The following TPD52 variants were observed in gnomAD, a reference collection of about 807,000 sequenced individuals.
TPD52 encodes the protein tumor protein D52, also known as prostate and colon associated protein.
A neutral mutation model predicts 31.3 loss-of-function variants in TPD52; 17 were observed. That is an observed-to-expected ratio of 0.54 (90% CI 0.37 to 0.82). TPD52 has a LOEUF of 0.82. TPD52 is among the 40% of genes least tolerant of loss of function. TPD52 has a pLI of 0.00. For missense variants in TPD52, 212 were observed against 240.1 expected (o/e 0.88, Z 0.77); for synonymous variants, 83 against 89.6 (o/e 0.93, Z 0.42).
intron 1 of TPD52, among the ~76,000 whole-genome samples, chr8:80,170,180 T>C (rs56353045): frequency 0.17 from 25,757 of 152,042 alleles, 3,732 homozygotes; most frequent in African/African-American, 0.39. Context: ...TTTGGGAGGC[T>C]GAGGCGGGTG....
intron 1 of TPD52, among the ~76,000 whole-genome samples, chr8:80,087,579 A>G (rs1815909001): frequency 6.6e-6 from 1 of 152,256 alleles, no homozygotes; most frequent in Admixed American, 6.5e-5. Context: ...ACCACCTCTC[A>G]CAGCAATCAC....
At chr8:80,171,276 G>A (rs1812071120) in intron 1 of TPD52, 149 bp downstream of exon 1, 1 of 1,026,990 alleles carries the variant, frequency 9.7e-7, no homozygotes, top group East Asian at 2.6e-5. Flanking sequence ...GCCAGATCCG[G>A]ATCCGGGAGA....
chr8:80,092,837 C>CT (rs1816387725), intron 1 of TPD52, among the ~76,000 whole-genome samples: 2 of 149,980 alleles, frequency 1.3e-5, no homozygotes, highest in African/African-American at 2.4e-5. Context: ...CTTTAAATTA[C>CT]TGCCAGAGGC....
At chr8:80,164,467 T>C (rs1811580593) in intron 1 of TPD52, among the ~76,000 whole-genome samples, 1 of 152,128 alleles carries the variant, frequency 6.6e-6, no homozygotes, top group African/African-American at 2.4e-5. Flanking sequence ...CATCTCATTA[T>C]CAAAACAAAC....
chr8:80,031,489 C>T (rs184052548), downstream of TPD52, among the ~76,000 whole-genome samples: 3 of 152,184 alleles, frequency 2.0e-5, no homozygotes, highest in East Asian at 1.9e-4. Context: ...TTATTTTCTA[C>T]GGATAGTGCT....
intron 1 of TPD52, among the ~76,000 whole-genome samples, chr8:80,066,470 G>A (rs934600510): frequency 1.3e-5 from 2 of 152,190 alleles, no homozygotes; most frequent in African/African-American, 4.8e-5. Flanking sequence ...CAATCAGCAA[G>A]TAGAAAAGCT....
At chr8:80,159,278 C>T (rs1012098833) in intron 1 of TPD52, among the ~76,000 whole-genome samples, 1 of 152,106 alleles carries the variant, frequency 6.6e-6, no homozygotes, top group Non-Finnish European at 1.5e-5. Flanking sequence ...TTTTGAACCT[C>T]GATATGACTT....
chr8:80,064,304 C>T (rs773112657), intron 2 of TPD52, among the ~76,000 whole-genome samples, 174 bp downstream of exon 2: 1 of 152,134 alleles, frequency 6.6e-6, no homozygotes, highest in East Asian at 1.9e-4. Flanking sequence ...AAAAACGAAC[C>T]GATGTCACCC....
intron 2 of TPD52, among the ~76,000 whole-genome samples, chr8:80,055,120 C>T (rs920260827): frequency 6.6e-6 from 1 of 152,154 alleles, no homozygotes; most frequent in African/African-American, 2.4e-5. Flanking sequence ...GGCTCCAAAG[C>T]TTCAGACACT....
intron 1 of TPD52, among the ~76,000 whole-genome samples, chr8:80,066,668 T>G (rs1341404865): frequency 6.6e-6 from 1 of 152,210 alleles, no homozygotes; most frequent in Non-Finnish European, 1.5e-5. Context: ...ACCCGTCTCC[T>G]GCTAGCTGGC....
At chr8:80,161,888 C>G (rs1811390294) in intron 1 of TPD52, among the ~76,000 whole-genome samples, 1 of 151,950 alleles carries the variant, frequency 6.6e-6, no homozygotes, top group South Asian at 2.1e-4. Flanking sequence ...CACCACCACG[C>G]CGGGCTAATT....
chr8:80,119,244 T>A (rs1233633517), intron 1 of TPD52, among the ~76,000 whole-genome samples: 4 of 152,156 alleles, frequency 2.6e-5, no homozygotes, highest in African/African-American at 9.7e-5. Flanking sequence ...GATCAGTAAT[T>A]GCCTAGGGCT....
chr8:80,069,346 G>A (rs986065050), intron 1 of TPD52, among the ~76,000 whole-genome samples: 1 of 152,034 alleles, frequency 6.6e-6, no homozygotes, highest in Non-Finnish European at 1.5e-5. Context: ...TGCACCTGTA[G>A]TCCCAGCTAC....
chr8:80,147,759 C>T (rs1810296983), intron 1 of TPD52, among the ~76,000 whole-genome samples: 1 of 151,908 alleles, frequency 6.6e-6, no homozygotes. Context: ...TAGCCACTAC[C>T]ATTCTAATCC....
At chr8:80,083,618 A>G (rs923398781) in intron 1 of TPD52, among the ~76,000 whole-genome samples, 1 of 152,128 alleles carries the variant, frequency 6.6e-6, no homozygotes, top group Admixed American at 6.5e-5. Context: ...GCCTTCTGCC[A>G]TGATTGTAAG....
chr8:80,146,305 C>A (rs1231419722), intron 1 of TPD52, among the ~76,000 whole-genome samples: 1 of 152,214 alleles, frequency 6.6e-6, no homozygotes, highest in Non-Finnish European at 1.5e-5. Flanking sequence ...TTCTTATTTA[C>A]CAGGTGTGCT....
intron 1 of TPD52, among the ~76,000 whole-genome samples, chr8:80,133,204 C>T (rs1809149353): frequency 6.6e-6 from 1 of 152,168 alleles, no homozygotes; most frequent in South Asian, 2.1e-4. Flanking sequence ...TTCAAAAGCA[C>T]CAGTCTAATA....
intron 1 of TPD52, among the ~76,000 whole-genome samples, chr8:80,122,359 C>A (rs955033097): frequency 6.6e-6 from 1 of 152,114 alleles, no homozygotes; most frequent in Non-Finnish European, 1.5e-5. Flanking sequence ...AAAACAAAAA[C>A]AAGATTAAAA....
intron 1 of TPD52, among the ~76,000 whole-genome samples, chr8:80,137,269 T>C (rs892117691): frequency 1.3e-5 from 2 of 152,196 alleles, no homozygotes; most frequent in South Asian, 4.1e-4. Flanking sequence ...TAGATTGTGG[T>C]GATCACTGCA....
Sources: allele counts gnomAD v4.1 joint callset (sites outside exome capture counted in the v4.1 genomes callset), GRCh38; gene constraint gnomAD v4.1.1; transcripts MANE v1.5; gene names NCBI Gene and HGNC (gene_info 2026-07-23, HGNC 2026-07-21).